The following MECOM variants were observed in gnomAD, a reference collection of about 807,000 sequenced individuals.
The protein encoded by MECOM is histone-lysine N-methyltransferase MECOM.
A neutral mutation model predicts 116.3 loss-of-function variants in MECOM; 13 were observed. That is an observed-to-expected ratio of 0.11 (90% confidence interval 0.07 to 0.18). The LOEUF (loss-of-function observed/expected upper bound fraction) is 0.18, where lower values mean the gene tolerates loss of function less well. MECOM is among the 10% of genes least tolerant of loss of function. The pLI is 1.00. For synonymous variants in MECOM, 528 were observed against 535.2 expected (o/e 0.99, Z 0.19); for missense variants, 1,299 against 1,509.0 (o/e 0.86, Z 2.31).
intron 16 of MECOM, 104 bp from the exon 17 acceptor site, chr3:169,085,147 G>A: frequency 3.6e-6 from 5 of 1,400,766 alleles, no homozygotes; most frequent in Non-Finnish European, 5.0e-6. Context: ...CCCTGAGTAG[G>A]GGCATCCTTC....
intron 1 of MECOM, among the ~76,000 whole-genome samples, chr3:169,512,669 G>T (rs551292630): frequency 2.6e-5 from 4 of 152,304 alleles, no homozygotes; most frequent in Admixed American, 1.3e-4. Flanking sequence ...TCTGATGAAA[G>T]AATCAATTAA....
intron 2 of MECOM, among the ~76,000 whole-genome samples, chr3:169,240,631 A>G (rs992613186): frequency 2.0e-5 from 3 of 152,162 alleles, no homozygotes; most frequent in Non-Finnish European, 2.9e-5. Context: ...TAGGAAGTAT[A>G]CAGTTTCCTA....
chr3:169,293,782 A>T (rs1715067209), intron 2 of MECOM, among the ~76,000 whole-genome samples: 1 of 152,216 alleles, frequency 6.6e-6, no homozygotes, highest in Non-Finnish European at 1.5e-5. Context: ...GGAACATAGT[A>T]GGTATTCAGC....
chr3:169,228,461 A>G (rs1345148266), intron 2 of MECOM, among the ~76,000 whole-genome samples: 1 of 152,168 alleles, frequency 6.6e-6, no homozygotes, highest in Non-Finnish European at 1.5e-5. Context: ...TTTATGCAAA[A>G]ACCAGTTTTT....
In MECOM at chr3:169,562,163, G is replaced by GGAAA. The variant is rs1186199227; in HGVS notation, c.37+101169_37+101172dup. Among the ~76,000 whole-genome samples the GGAAA allele has an allele frequency of 9.9e-5, 9 of 90,634 alleles. No homozygotes were observed. The South Asian group carries it at 1.8e-3, about 18-fold the overall frequency. 59.5% of individuals were successfully genotyped at this position (90,634 alleles called of 152,430 possible). A position where few individuals can be genotyped will look rare whatever the true frequency, so the allele number is the denominator to read the frequency against. On this transcript the variant is annotated intron_variant, in intron 1 of 16. Transcript: ENST00000651503. ...TCAAAAAAAAAAAAAAAAAAAAAAAGGAAAGAAAGAAAGAAAAAAAAAAGA... is the reference window on the plus strand; with the variant it reads ...TCAAAAAAAAAAAAAAAAAAAAAAAGGAAAGAAAGAAAGAAAGAAAAAAAAAAGA...
At chr3:169,092,697 C>A (rs1720130002) in intron 14 of MECOM, among the ~76,000 whole-genome samples, 1 of 152,032 alleles carries the variant, frequency 6.6e-6, no homozygotes. Flanking sequence ...ACCTCTGACA[C>A]AATGGTTTAA....
intron 7 of MECOM, among the ~76,000 whole-genome samples, chr3:169,117,118 G>A (rs902764595): frequency 4.0e-5 from 6 of 151,858 alleles, no homozygotes; most frequent in South Asian, 2.1e-4. Flanking sequence ...AATGCATTAC[G>A]TACAAAACAC....
intron 1 of MECOM, among the ~76,000 whole-genome samples, chr3:169,618,072 C>T (rs1172957225): frequency 2.6e-5 from 4 of 152,208 alleles, no homozygotes; most frequent in African/African-American, 7.2e-5. Flanking sequence ...TCTTTGTCTT[C>T]CCTTTCAGTG....
intron 2 of MECOM, among the ~76,000 whole-genome samples, chr3:169,332,580 G>A (rs1316796561): frequency 6.6e-6 from 1 of 151,950 alleles, no homozygotes; most frequent in South Asian, 2.1e-4. Flanking sequence ...ACAATATAAG[G>A]GCAAAATACA....
chr3:169,374,253 G>A (rs1036400886), intron 2 of MECOM, among the ~76,000 whole-genome samples: 4 of 151,702 alleles, frequency 2.6e-5, no homozygotes, highest in Admixed American at 6.6e-5. Flanking sequence ...GGAGGAGAGC[G>A]CTCACCAGAA....
intron 1 of MECOM, among the ~76,000 whole-genome samples, chr3:169,577,854 G>A (rs1764694048): frequency 6.6e-6 from 1 of 152,154 alleles, no homozygotes; most frequent in African/African-American, 2.4e-5. Flanking sequence ...CTTCAAGTCA[G>A]TTAACGGAGC....
intron 1 of MECOM, among the ~76,000 whole-genome samples, chr3:169,476,274 A>G (rs144470760): frequency 6.2e-4 from 95 of 152,300 alleles, no homozygotes; most frequent in African/African-American, 2.1e-3. Flanking sequence ...TGATTTGACA[A>G]TTTCCATTAT....
At chr3:169,562,699 A>G (rs1762794382) in intron 1 of MECOM, among the ~76,000 whole-genome samples, 1 of 152,122 alleles carries the variant, frequency 6.6e-6, no homozygotes. Context: ...CATGCTTGGA[A>G]GGACTAGTGA....
At chr3:169,356,546 G>A (rs562875842) in intron 2 of MECOM, among the ~76,000 whole-genome samples, 2 of 151,970 alleles carry the variant, frequency 1.3e-5, no homozygotes, top group East Asian at 3.9e-4. Context: ...AAAAAAGTGG[G>A]CCCTGCCACG....
At position 169,663,565 on chromosome 3, in the gene MECOM, T is replaced by C. The variant is rs939730671; in HGVS notation, c.-193A>G. 6 of 595,472 alleles carry C rather than the reference T, an allele frequency of 1.0e-5. No individual in the cohort carries two copies. The East Asian group carries it at 1.5e-4, about 15-fold the overall frequency. 36.9% of individuals were successfully genotyped at this position (595,472 alleles called of 1,614,324 possible). On this transcript the variant is annotated 5_prime_UTR_variant, in exon 1 of 17. Coordinates refer to ENST00000651503, the MANE Select transcript of MECOM (RefSeq NM_004991.4). ...TGTTTCTCTCCTGTTTCTCTCTCTC[T>C]TCCACACACTCACTCTCTGTATTTT...
chr3:169,285,066 G>T (rs558344310), intron 2 of MECOM, among the ~76,000 whole-genome samples: 4 of 152,282 alleles, frequency 2.6e-5, no homozygotes, highest in African/African-American at 9.6e-5. Flanking sequence ...TTTCAGATGT[G>T]TGTAAAGTTA....
intron 2 of MECOM, among the ~76,000 whole-genome samples, chr3:169,148,853 G>A (rs1416257293): frequency 1.3e-5 from 2 of 152,132 alleles, no homozygotes; most frequent in African/African-American, 4.8e-5. Flanking sequence ...AATTTGTTTC[G>A]GTGGCCTGTT....
intron 2 of MECOM, among the ~76,000 whole-genome samples, chr3:169,320,141 G>T (rs187111148): frequency 1.4e-3 from 208 of 152,300 alleles, no homozygotes; most frequent in African/African-American, 4.9e-3. Flanking sequence ...GAAAAATAAG[G>T]GATTGGATGC....
intron 2 of MECOM, among the ~76,000 whole-genome samples, chr3:169,223,710 A>G (rs1752397743): frequency 6.6e-6 from 1 of 152,078 alleles, no homozygotes; most frequent in Admixed American, 6.5e-5. Context: ...TAGAACAAAT[A>G]CTCTATTATT....
Sources: gnomAD v4.1 joint callset for allele counts (sites outside exome capture counted in the v4.1 genomes callset) on GRCh38, gnomAD v4.1.1 for gene constraint, MANE v1.5 for transcripts, NCBI Gene and HGNC (gene_info 2026-07-23, HGNC 2026-07-21) for gene names.